Variants in GRIN2A observed in about 807,000 individuals in gnomAD.
GRIN2A encodes the protein glutamate receptor ionotropic, NMDA 2A.
A neutral mutation model predicts 113.4 loss-of-function variants in GRIN2A; 22 were observed. The observed-to-expected ratio is 0.19, with a 90% CI of 0.14 to 0.28. The LOEUF (loss-of-function observed/expected upper bound fraction) is 0.28, where lower values mean the gene tolerates loss of function less well. Ranked by LOEUF, GRIN2A falls within the 10% of genes least tolerant of loss-of-function variation. The pLI is 1.00. For synonymous variants in GRIN2A, 827 were observed against 738.4 expected, an observed-to-expected ratio of 1.12 and a Z score of -1.94; for missense variants, 1,502 against 1,887.0, an observed-to-expected ratio of 0.80 and a Z score of 3.78.
intron 11 of GRIN2A, among the ~76,000 whole-genome samples, chr16:9,772,761 C>G (rs1252917071): frequency 6.6e-6 from 1 of 152,036 alleles, no homozygotes; most frequent in Non-Finnish European, 1.5e-5. Context: ...GGTGTTGCCT[C>G]AAACCAAGCC....
intron 2 of GRIN2A, among the ~76,000 whole-genome samples, chr16:10,131,241 C>A (rs2049055232): frequency 6.6e-6 from 1 of 152,046 alleles, no homozygotes; most frequent in South Asian, 2.1e-4. Context: ...TTTAATGAGG[C>A]CCAGAACAGC....
chr16:9,850,549 A>G (rs2042865208), intron 4 of GRIN2A, among the ~76,000 whole-genome samples: 1 of 152,178 alleles, frequency 6.6e-6, no homozygotes, highest in Admixed American at 6.5e-5. Flanking sequence ...TGCTAAGATG[A>G]AGGAAAAGAG....
At chr16:10,105,759 T>A (rs2048487633) in intron 2 of GRIN2A, among the ~76,000 whole-genome samples, 1 of 151,758 alleles carries the variant, frequency 6.6e-6, no homozygotes, top group Non-Finnish European at 1.5e-5. Context: ...ATACAAAAAT[T>A]AGCTGGGCAT....
chr16:9,814,094 G>A (rs1328241283), intron 10 of GRIN2A, among the ~76,000 whole-genome samples: 1 of 152,154 alleles, frequency 6.6e-6, no homozygotes, highest in Non-Finnish European at 1.5e-5. Flanking sequence ...CCCTGAACCA[G>A]TTTCTTTTGA....
At chr16:9,919,185 A>G (rs1338504582) in intron 3 of GRIN2A, among the ~76,000 whole-genome samples, 2 of 152,028 alleles carry the variant, frequency 1.3e-5, no homozygotes, top group African/African-American at 4.8e-5. Context: ...AAAAATACAT[A>G]TATATCTCTC....
In GRIN2A at chr16:9,763,115, A is replaced by G. The variant is rs764205098; in HGVS notation, c.*34T>C. 8 of 1,603,030 alleles carry G rather than the reference A, an allele frequency of 5.0e-6. No homozygotes were observed. The highest frequency in any genetic ancestry group is 6.0e-6 in the Non-Finnish European group (7 of 1,171,088). ...CTCCAGAACATTGGCCATTACGTAT[A>G]TTTCCCTATAGATAAAACATTAATG... On this transcript the variant is annotated 3_prime_UTR_variant, in exon 13 of 13. Transcript: ENST00000330684.
chr16:9,850,078 C>T (rs2049966094), intron 4 of GRIN2A, 117 bp from the exon 5 acceptor site: 7 of 821,424 alleles, frequency 8.5e-6, no homozygotes, highest in East Asian at 2.6e-5. Flanking sequence ...TGCCACATAT[C>T]TCAACATATG....
In GRIN2A at chr16:9,952,757, A is replaced by C. The variant is rs147502689; in HGVS notation, c.415-14206T>G. ...CAGAGCCTGCCACAGAGAGGAACTC[A>C]ATGCTTATATCTGTGGGATTGGATT... On this transcript the variant is annotated intron_variant, in intron 2 of 12. Coordinates refer to ENST00000330684, the MANE Select transcript of GRIN2A (RefSeq NM_001134407.3). 3.1e-3 allele frequency among the ~76,000 whole-genome samples: 469 copies of C among 152,308 alleles called. 4 individuals are homozygous for C. Among genetic ancestry groups the C allele is most frequent in the African/African-American group, 0.011 (445 of 41,562 alleles).
intron 2 of GRIN2A, among the ~76,000 whole-genome samples, chr16:9,958,931 A>T (rs2045369211): frequency 6.6e-6 from 1 of 152,224 alleles, no homozygotes. Flanking sequence ...TGAATTAATG[A>T]ATAAATACAG....
At chr16:9,957,501 T>A (rs564839485) in intron 2 of GRIN2A, among the ~76,000 whole-genome samples, 1 of 152,342 alleles carries the variant, frequency 6.6e-6, no homozygotes, top group South Asian at 2.1e-4. Context: ...CCAATTCACT[T>A]TGAAAGACAT....
intron 10 of GRIN2A, among the ~76,000 whole-genome samples, chr16:9,814,951 G>T (rs11649466): frequency 0.28 from 41,921 of 150,980 alleles, 6,033 homozygotes; most frequent in African/African-American, 0.34. Context: ...AACCCGGAAG[G>T]CAGAGGTTGT....
chr16:9,925,210 G>A (rs1355223515), intron 3 of GRIN2A, among the ~76,000 whole-genome samples: 1 of 152,190 alleles, frequency 6.6e-6, no homozygotes, highest in Non-Finnish European at 1.5e-5. Context: ...TAGGCAGAGT[G>A]AGAGCAATTC....
At chr16:10,069,125 T>G (rs1405677730) in intron 2 of GRIN2A, among the ~76,000 whole-genome samples, 1 of 151,994 alleles carries the variant, frequency 6.6e-6, no homozygotes, top group Non-Finnish European at 1.5e-5. Flanking sequence ...CTGATCCAAT[T>G]TACCCTGGCT....
At chr16:9,945,584 A>G (rs1418750996) in intron 2 of GRIN2A, among the ~76,000 whole-genome samples, 1 of 152,166 alleles carries the variant, frequency 6.6e-6, no homozygotes, top group Non-Finnish European at 1.5e-5. Flanking sequence ...ATGTGCCACC[A>G]GTGTCTCCCA....
intron 2 of GRIN2A, among the ~76,000 whole-genome samples, chr16:9,950,993 G>A (rs977398335): frequency 2.6e-5 from 4 of 152,098 alleles, no homozygotes; most frequent in Admixed American, 6.5e-5. Flanking sequence ...AAATTTTACT[G>A]GATTCCAAAA....
chr16:9,900,664 C>T (rs571854565), intron 3 of GRIN2A, among the ~76,000 whole-genome samples: 12 of 152,236 alleles, frequency 7.9e-5, no homozygotes, highest in African/African-American at 2.6e-4. Flanking sequence ...TTCTGAATGA[C>T]CATTAATAAA....
chr16:10,025,509 C>T (rs2046803851), intron 2 of GRIN2A, among the ~76,000 whole-genome samples: 1 of 151,940 alleles, frequency 6.6e-6, no homozygotes, highest in Admixed American at 6.6e-5. Context: ...CCTGTGTTCC[C>T]CAGGCTGGTC....
intron 2 of GRIN2A, chr16:10,179,520 A>C (rs192427620): frequency 1.1e-5 from 2 of 181,024 alleles, no homozygotes; most frequent in Admixed American, 1.1e-4. Context: ...TCCAGAACCT[A>C]CCCACATTTA....
Position 9,934,814 on chromosome 16 carries a change from G to A in GRIN2A, c.1007+3145C>T, listed in dbSNP as rs889769878. ...GTTTCCACTATTCCCTGGGGTGGGCGTCAGGGACCGTGGGAGAGTGTGGGA... is the reference window on the plus strand; with the variant it reads ...GTTTCCACTATTCCCTGGGGTGGGCATCAGGGACCGTGGGAGAGTGTGGGA... On this transcript the variant is annotated intron_variant, in intron 3 of 12. Transcript: ENST00000330684. Among the ~76,000 whole-genome samples the A allele has an allele frequency of 5.3e-5, 8 of 151,648 alleles. No homozygotes were observed. In the East Asian group the frequency reaches 9.7e-4, roughly 18 times the overall value.
Sources: gnomAD v4.1 joint callset for allele counts (sites outside exome capture counted in the v4.1 genomes callset) on GRCh38, gnomAD v4.1.1 for gene constraint, MANE v1.5 for transcripts, NCBI Gene and HGNC (gene_info 2026-07-23, HGNC 2026-07-21) for gene names.